ATP7B: variants seen among roughly 807,000 people sequenced by gnomAD.
The protein encoded by ATP7B is ATPase copper transporting beta.
ATP7B carries 113 observed loss-of-function variants against 118.9 expected under a neutral mutation model. That is an observed-to-expected ratio of 0.95 (90% confidence interval 0.82 to 1.11). The LOEUF (loss-of-function observed/expected upper bound fraction) is 1.11. ATP7B is among the 50% of genes most tolerant of loss of function. ATP7B has a pLI of 0.00. For missense variants in ATP7B, 1,867 were observed against 1,871.4 expected, an observed-to-expected ratio of 1.00 and a Z score of 0.04; for synonymous variants, 777 against 727.4, an observed-to-expected ratio of 1.07 and a Z score of -1.10.
Position 52,011,419 on chromosome 13 carries a change from A to T in ATP7B, c.-82T>A. The T allele has an allele frequency of 1.3e-6, 2 of 1,591,354 alleles. No individual in the cohort carries two copies. The highest frequency in any genetic ancestry group is 2.2e-5 in the South Asian group (2 of 90,350). Reference sequence around the variant, plus strand: ...GGTCGGTGGAGGAGAGCGGGGTGTTAAAGTCCCGGGAGAGGAGGCGCAGAG... The same window carrying T: ...GGTCGGTGGAGGAGAGCGGGGTGTTTAAGTCCCGGGAGAGGAGGCGCAGAG... On this transcript the variant is annotated 5_prime_UTR_variant, in exon 1 of 21. Transcript: ENST00000242839.
At chr13:52,011,233 A>G in intron 1 of ATP7B, 54 bp downstream of exon 1, 2 of 1,613,648 alleles carry the variant, frequency 1.2e-6, no homozygotes, top group Non-Finnish European at 1.7e-6. Context: ...CGGGGAGGAA[A>G]ATCCTCCTGG....
intron 9 of ATP7B, among the ~76,000 whole-genome samples, chr13:51,952,521 C>T (rs902348220): frequency 6.6e-6 from 1 of 152,182 alleles, no homozygotes; most frequent in Non-Finnish European, 1.5e-5. Context: ...ACATGTTTTA[C>T]CTCACTGAAT....
intron 1 of ATP7B, among the ~76,000 whole-genome samples, chr13:52,003,400 G>T (rs1027164405): frequency 6.6e-6 from 1 of 152,116 alleles, no homozygotes; most frequent in African/African-American, 2.4e-5. Context: ...CAGTCAGAAT[G>T]TACACATTTA....
rs1169959260 is a variant in ATP7B, at chr13:51,949,681, A to C, written c.2846T>G (p.Val949Gly). The change falls in exon 12 of 21, where the codon GTT (valine) becomes GGT (glycine). Residue 949 changes from valine to glycine, a missense_variant. Transcript: ENST00000242839. ...WIVIGFIDFG[V>G]VQRYFPNPNK... ...ACTTACAGGAAAGTATCTCTGAACA[A>C]CACCAAAATCGATAAAACCGATTAC... 3 of 1,613,948 alleles carry C rather than the reference A, an allele frequency of 1.9e-6. No homozygotes were observed. Among genetic ancestry groups the C allele is most frequent in the South Asian group, 1.1e-5 (1 of 91,088 alleles).
intron 13 of ATP7B, among the ~76,000 whole-genome samples, chr13:51,944,726 G>A (rs1467334977): frequency 6.6e-6 from 1 of 152,176 alleles, no homozygotes; most frequent in African/African-American, 2.4e-5. Context: ...ACTGGGAATA[G>A]AGTCCTCACA....
rs752816347 is a variant in ATP7B, at chr13:51,937,651, A to G, written c.3728T>C (p.Val1243Ala). 1.2e-6 allele frequency: 2 copies of G among 1,614,242 alleles called. No homozygotes were observed. The highest frequency in any genetic ancestry group is 2.2e-5 in the South Asian group (2 of 91,084). The change falls in exon 18 of 21, where the codon GTG becomes GCG. Residue 1243 changes from valine (V) to alanine (A), a missense_variant. Val to Ala is a moderately conservative substitution (Grantham distance 64). Transcript: ENST00000242839. ...QVGINKVFAE[V>A]LPSHKVAKVQ... ...CTTGGCCACCTTGTGCGAAGGCAGCACCTCTGCAAAGACTTTGTTGATGCC... is the reference window on the plus strand; with the variant it reads ...CTTGGCCACCTTGTGCGAAGGCAGCGCCTCTGCAAAGACTTTGTTGATGCC...
upstream of ATP7B, among the ~76,000 whole-genome samples, chr13:52,011,670 G>A (rs1478827120): frequency 2.0e-5 from 3 of 152,174 alleles, no homozygotes; most frequent in African/African-American, 7.2e-5. Context: ...GGAACTGCCG[G>A]CCCCGCCGGT....
intron 1 of ATP7B, among the ~76,000 whole-genome samples, chr13:51,998,958 C>T (rs1354014999): frequency 1.3e-5 from 2 of 152,180 alleles, no homozygotes; most frequent in African/African-American, 2.4e-5. Flanking sequence ...AGAGGAGTCC[C>T]GGATCCTGTG....
At chr13:52,011,163 G>C (rs974282328) in intron 1 of ATP7B, 124 bp downstream of exon 1, 33 of 1,393,900 alleles carry the variant, frequency 2.4e-5, no homozygotes, top group Admixed American at 1.2e-4. Flanking sequence ...GACATCCCTG[G>C]AGCTGGGGTC....
chr13:51,975,113 C>G lies in ATP7B; in HGVS notation c.107G>C (p.Ser36Thr). 6.2e-7 allele frequency: 1 copy of G among 1,614,272 alleles called. No homozygotes were observed. The highest frequency in any genetic ancestry group is 8.5e-7 in the Non-Finnish European group (1 of 1,180,052). Reference sequence around the variant, plus strand: ...ATAGCCAACATTGTCAAAAGCAAAACTCTTCTTCATTGCTGGTTCCCAGGC... The same window carrying G: ...ATAGCCAACATTGTCAAAAGCAAAAGTCTTCTTCATTGCTGGTTCCCAGGC... ...TRAWEPAMKK[S>T]FAFDNVGYEG... The change falls in exon 2 of 21, where the codon AGT becomes ACT. Residue 36 changes from serine (S) to threonine (T), a missense_variant. Coordinates refer to ENST00000242839, the MANE Select transcript of ATP7B (RefSeq NM_000053.4).
intron 19 of ATP7B, 90 bp downstream of exon 19, chr13:51,937,186 T>C (rs2138551791): frequency 7.7e-7 from 1 of 1,293,260 alleles, no homozygotes; most frequent in South Asian, 1.2e-5. Context: ...AGCCAGCCAG[T>C]GAGTGAGCCA....
intron 1 of ATP7B, among the ~76,000 whole-genome samples, chr13:52,005,907 T>C (rs1341000518): frequency 7.2e-5 from 11 of 152,306 alleles, no homozygotes; most frequent in Non-Finnish European, 1.3e-4. Flanking sequence ...GAAATGTTCA[T>C]GATGGCCGTA....
Position 51,942,503 on chromosome 13 carries a change from C to T in ATP7B, c.3295G>A (p.Gly1099Ser), listed in dbSNP as rs761632029. 2.5e-6 allele frequency: 4 copies of T among 1,614,124 alleles called. No homozygotes were observed. Among genetic ancestry groups the T allele is most frequent in the Non-Finnish European group, 2.5e-6 (3 of 1,180,050 alleles). The part of the protein sequence containing the change: ...GYCTDFQAVP[G>S]CGIGCKVSNV... ...CTGACTTTGCACCCAATTCCACAGC[C>T]TGGCACTGCCTGGAAGTCCGTGCAG... Residue 1099 changes from glycine to serine, a missense_variant, in exon 15 of 21, where the codon GGC (glycine) becomes AGC (serine). Gly to Ser is a moderately conservative substitution (Grantham distance 56). Coordinates refer to ENST00000242839, the MANE Select transcript of ATP7B (RefSeq NM_000053.4).
intron 1 of ATP7B, among the ~76,000 whole-genome samples, chr13:52,003,521 A>C (rs1342293859): frequency 6.6e-6 from 1 of 152,230 alleles, no homozygotes; most frequent in Non-Finnish European, 1.5e-5. Context: ...AAAATCTGAA[A>C]TATTGTGAGA....
At chr13:51,972,386 T>C (rs1291472486) in intron 2 of ATP7B, among the ~76,000 whole-genome samples, 2 of 146,554 alleles carry the variant, frequency 1.4e-5, no homozygotes, top group African/African-American at 5.1e-5. Context: ...AATCACTCTT[T>C]CTAGGTCTCT....
Position 51,937,596 on chromosome 13 carries a change from T to C in ATP7B, c.3783A>G (p.Lys1261=), listed in dbSNP as rs774940838. ...TGACCCCATCCCCCACCATGGCGACTTTCTTCCCTTTATTCTGGAGCTCCT... is the reference window on the plus strand; with the variant it reads ...TGACCCCATCCCCCACCATGGCGACCTTCTTCCCTTTATTCTGGAGCTCCT... ...KVQELQNKGK[K]VAMVGDGVND... Residue 1261 remains lysine, a synonymous_variant, in exon 18 of 21, where the codon AAA becomes AAG. Transcript: ENST00000242839. 7 of 1,614,128 alleles carry C rather than the reference T, an allele frequency of 4.3e-6. No homozygotes were observed. In the East Asian group the frequency reaches 1.6e-4, roughly 36 times the overall value.
intron 5 of ATP7B, among the ~76,000 whole-genome samples, chr13:51,964,218 T>A (rs1449688920): frequency 6.6e-6 from 1 of 152,132 alleles, no homozygotes; most frequent in East Asian, 1.9e-4. Context: ...AACATGTAGT[T>A]CCCACTAAAC....
chr13:51,994,667 C>T (rs1035956825), intron 1 of ATP7B, among the ~76,000 whole-genome samples: 12 of 152,144 alleles, frequency 7.9e-5, no homozygotes, highest in African/African-American at 2.9e-4. Context: ...CACAAAATTT[C>T]CTTTAGTCTT....
At chr13:51,939,481 G>C (rs930211525) in intron 16 of ATP7B, among the ~76,000 whole-genome samples, 2 of 152,158 alleles carry the variant, frequency 1.3e-5, no homozygotes, top group African/African-American at 2.4e-5. Context: ...TTTCTGCAAG[G>C]AGCACGTATG....
Sources: gnomAD v4.1 joint callset for allele counts (sites outside exome capture counted in the v4.1 genomes callset) on GRCh38, gnomAD v4.1.1 for gene constraint, MANE v1.5 for transcripts, NCBI Gene and HGNC (gene_info 2026-07-23, HGNC 2026-07-21) for gene names.